The following ATP2B3 variants were observed in gnomAD, a reference collection of about 807,000 sequenced individuals.
The protein encoded by ATP2B3 is ATPase plasma membrane Ca2+ transporting 3, also known as plasma membrane calcium-transporting ATPase 3.
ATP2B3 carries 12 observed loss-of-function variants against 70.8 expected under a neutral mutation model. The observed-to-expected ratio is 0.17, with a 90% CI of 0.11 to 0.27. The LOEUF (loss-of-function observed/expected upper bound fraction) is 0.27, where lower values mean the gene tolerates loss of function less well. Among genes scored for constraint, ATP2B3 ranks in the 10% least tolerant of loss-of-function variants. The pLI, the probability that ATP2B3 is intolerant of heterozygous loss-of-function variation, is 1.00. For synonymous variants in ATP2B3, 460 were observed against 497.8 expected (o/e 0.92, Z 1.01); for missense variants, 858 against 1,118.5 (o/e 0.77, Z 3.32).
At position 153,517,664 on chromosome X, in the gene ATP2B3, G is replaced by C. The variant is rs1265381348; in HGVS notation, c.-458G>C. ...CTCAGAGCTGCGGTTGGAGCCGAGC[G>C]CGCCGCGTCGCCCGCCGCCGGTGCA... On this transcript the variant is annotated 5_prime_UTR_variant, in exon 1 of 22. Coordinates refer to ENST00000263519, the MANE Select transcript of ATP2B3 (RefSeq NM_001001344.3). 2 of 106,678 alleles carry C rather than the reference G, an allele frequency of 1.9e-5. No individual in the cohort carries two copies. The highest frequency in any genetic ancestry group is 6.8e-5 in the African/African-American group (2 of 29,427). 8.8% of individuals were successfully genotyped at this position (106,678 alleles called of 1,213,427 possible). A position where few individuals can be genotyped will look rare whatever the true frequency, so the allele number is the denominator to read the frequency against.
chrX:153,537,222 C>T (rs1019207927), intron 3 of ATP2B3, among the ~76,000 whole-genome samples: 1 of 113,445 alleles, frequency 8.8e-6, no homozygotes, highest in East Asian at 2.8e-4. Flanking sequence ...AAGCGGGGAC[C>T]CCCAGGAGCC....
rs190374039 is a variant in ATP2B3 at position 153,579,403 on chromosome X, C to T, written c.3343-575C>T. ...GCTGGGGGATGGAGGGAGACCCATG[C>T]GAGAAAGGCCGGCAGTGCCCATAGG... On this transcript the variant is annotated intron_variant, in intron 21 of 21. Transcript: ENST00000263519. 3.6e-3 allele frequency among the ~76,000 whole-genome samples: 407 copies of T among 112,824 alleles called. 3 individuals carry two copies. Among genetic ancestry groups the T allele is most frequent in the African/African-American group, 0.012 (383 of 31,105 alleles).
At chrX:153,577,606 C>A (rs1211611139) in intron 21 of ATP2B3, among the ~76,000 whole-genome samples, 1 of 112,064 alleles carries the variant, frequency 8.9e-6, no homozygotes, top group Admixed American at 9.4e-5. Flanking sequence ...TCAAATTATT[C>A]TCAATTTCTG....
Position 153,560,827 on chromosome X carries a change from C to T in ATP2B3, c.2991C>T (p.Phe997=), listed in dbSNP as rs782143371. ...ARKIHGERNV[F]DGIFSNPIFC... is the part of the protein sequence containing the mutation. ...AGATCCACGGCGAGAGGAACGTGTT[C>T]GACGGCATCTTCAGCAACCCCATCT... The change falls in exon 19 of 22, where the codon TTC becomes TTT. Residue 997 remains phenylalanine (F), a synonymous_variant. Coordinates refer to ENST00000263519, the MANE Select transcript of ATP2B3 (RefSeq NM_001001344.3). The T allele has an allele frequency of 3.6e-5, 44 of 1,210,397 alleles. No homozygotes were observed. In the East Asian group the frequency reaches 3.8e-4, roughly 11 times the overall value.
chrX:153,564,069 G>A (rs1392685598), intron 20 of ATP2B3, among the ~76,000 whole-genome samples: 5 of 112,090 alleles, frequency 4.5e-5, no homozygotes, highest in African/African-American at 1.6e-4. Flanking sequence ...ACTCCTGCCA[G>A]GCTCCTTATC....
Position 153,518,243 on chromosome X carries a change from G to A in ATP2B3, c.-246-189G>A, listed in dbSNP as rs782735631. 5.7e-4 allele frequency among the ~76,000 whole-genome samples: 64 copies of A among 112,841 alleles called. 1 individual carries two copies. The highest frequency in any genetic ancestry group is 2.0e-3 in the African/African-American group (63 of 31,233). On this transcript the variant is annotated intron_variant, in intron 1 of 21. Coordinates refer to ENST00000263519, the MANE Select transcript of ATP2B3 (RefSeq NM_001001344.3). The stretch of plus-strand genomic sequence containing the variant: ...GGGCCGGGAGCCCGCCAGTGCGCAC[G>A]CACCTTCCCGGAGCCTCGGGCACCC...
intron 21 of ATP2B3, among the ~76,000 whole-genome samples, chrX:153,578,770 G>A (rs1203822580): frequency 1.8e-5 from 2 of 112,217 alleles, no homozygotes; most frequent in Non-Finnish European, 3.8e-5. Flanking sequence ...AGCGGAGCCC[G>A]GGAGGCAGCA....
Position 153,541,952 on chromosome X carries a change from C to T in ATP2B3, c.664+26C>T, listed in dbSNP as rs367985599. 52 of 1,187,587 alleles carry T rather than the reference C, an allele frequency of 4.4e-5. No individual in the cohort carries two copies. The African/African-American group carries it at 7.1e-4, about 16-fold the overall frequency. The stretch of plus-strand genomic sequence containing the variant: ...GTGAGTGCCCTGGTCTTCACCCACC[C>T]TGTCAAGGAAGCTCGGCTCCTGCTT... On this transcript the variant is annotated intron_variant, in intron 5 of 21. Coordinates refer to ENST00000263519, the MANE Select transcript of ATP2B3 (RefSeq NM_001001344.3).
intron 7 of ATP2B3, among the ~76,000 whole-genome samples, chrX:153,545,586 G>A (rs1469135152): frequency 8.9e-6 from 1 of 112,604 alleles, no homozygotes; most frequent in African/African-American, 3.2e-5. Context: ...CAGGAGGATC[G>A]CTTAAACCTG....
intron 5 of ATP2B3, 22 bp downstream of exon 5, chrX:153,541,948 C>T: frequency 1.7e-6 from 2 of 1,192,717 alleles, no homozygotes; most frequent in Admixed American, 2.2e-5. Flanking sequence ...GGTCTTCACC[C>T]ACCCTGTCAA....
chrX:153,580,270 C>T lies in ATP2B3; in HGVS notation c.3635C>T (p.Pro1212Leu). 2 of 1,209,406 alleles carry T rather than the reference C, an allele frequency of 1.7e-6. No homozygotes were observed. Among genetic ancestry groups the T allele is most frequent in the Non-Finnish European group, 2.2e-6 (2 of 893,489 alleles). The change falls in exon 22 of 22, where the codon CCG (proline) becomes CTG (leucine). Residue 1212 changes from proline to leucine, a missense_variant. This residue lies in a region of ATP2B3 where 265 missense variants were observed against 305.3 expected (regional missense o/e 0.87). Transcript: ENST00000263519. ...SSVFSSSPGS[P>L]LHSVETSL ...GTGTTTTCCTCCAGTCCCGGGAGCC[C>T]GCTCCACAGCGTGGAGACGTCCCTC...
chrX:153,556,831 C>A, intron 15 of ATP2B3, 86 bp from the exon 16 acceptor site: 1 of 994,996 alleles, frequency 1.0e-6, no homozygotes, highest in Non-Finnish European at 1.4e-6. Flanking sequence ...CACAGCCAAC[C>A]TACCCCCATA....
chrX:153,549,185 G>C (rs1437130875), intron 10 of ATP2B3, among the ~76,000 whole-genome samples: 2 of 99,191 alleles, frequency 2.0e-5, no homozygotes, highest in Non-Finnish European at 2.0e-5. Context: ...GGGAGGAGGT[G>C]GGGGGAGCCA....
At chrX:153,548,271 G>C (rs782343884) in intron 9 of ATP2B3, among the ~76,000 whole-genome samples, 7 of 94,662 alleles carry the variant, frequency 7.4e-5, no homozygotes, top group African/African-American at 2.3e-4. Flanking sequence ...CAAGGCTCCA[G>C]GCTCTGCCCC....
intron 13 of ATP2B3, among the ~76,000 whole-genome samples, chrX:153,554,282 C>A (rs781809261): frequency 8.8e-6 from 1 of 113,129 alleles, no homozygotes; most frequent in African/African-American, 3.2e-5. Flanking sequence ...GCATGAGTCC[C>A]GGGCCCCACT....
intron 21 of ATP2B3, among the ~76,000 whole-genome samples, chrX:153,577,809 G>A (rs985932711): frequency 2.7e-5 from 3 of 111,155 alleles, no homozygotes; most frequent in Non-Finnish European, 5.7e-5. Flanking sequence ...ATAGGAACGG[G>A]GAGTATCACT....
chrX:153,580,551 G>A lies in ATP2B3; in HGVS notation c.*253G>A, dbSNP rs1297351738. 18 of 335,115 alleles carry A rather than the reference G, an allele frequency of 5.4e-5. No homozygotes were observed. Among genetic ancestry groups the A allele is most frequent in the Non-Finnish European group, 8.3e-5 (16 of 192,951 alleles). 27.6% of individuals were successfully genotyped at this position (335,115 alleles called of 1,213,427 possible). ...GGAGGAGGAAAAGGAGGAAGAGGAGGACAAAAAGGGGGAGGAGAAGGTTCT... is the reference window on the plus strand; with the variant it reads ...GGAGGAGGAAAAGGAGGAAGAGGAGAACAAAAAGGGGGAGGAGAAGGTTCT... On this transcript the variant is annotated 3_prime_UTR_variant, in exon 22 of 22. Coordinates refer to ENST00000263519, the MANE Select transcript of ATP2B3 (RefSeq NM_001001344.3).
Position 153,553,257 on chromosome X carries a change from T to C in ATP2B3, c.2046T>C (p.Pro682=), listed in dbSNP as rs1203576012. 2.5e-6 allele frequency: 3 copies of C among 1,200,992 alleles called. No individual in the cohort carries two copies. The highest frequency in any genetic ancestry group is 3.4e-6 in the Non-Finnish European group (3 of 888,537). ...TCIAVVGIED[P]VRPEVPEAIR... ...TAGCTGTCGTGGGCATTGAGGACCC[T>C]GTGCGGCCCGAGGTAGCCACCACCT... Residue 682 remains proline (P), a synonymous_variant, in exon 13 of 22, where the codon CCT becomes CCC. Transcript: ENST00000263519.
rs782203093 is a variant in ATP2B3 at position 153,580,986 on chromosome X, T to C, written c.*688T>C. 8.9e-6 allele frequency: 1 copy of C among 112,578 alleles called. No homozygotes were observed. Among genetic ancestry groups the C allele is most frequent in the South Asian group, 3.7e-4 (1 of 2,726 alleles). 9.3% of individuals were successfully genotyped at this position (112,578 alleles called of 1,213,427 possible). ...ACACGTATATATGGCCAGATGCGTATTTCAATAAGGAACTATTTACTGGCA... is the reference window on the plus strand; with the variant it reads ...ACACGTATATATGGCCAGATGCGTACTTCAATAAGGAACTATTTACTGGCA... On this transcript the variant is annotated 3_prime_UTR_variant, in exon 22 of 22. Transcript: ENST00000263519.
Sources: gnomAD v4.1 joint callset for allele counts (sites outside exome capture counted in the v4.1 genomes callset) on GRCh38, gnomAD v4.1.1 for gene constraint, gnomAD v4.1.1 regional missense constraint, MANE v1.5 for transcripts, NCBI Gene and HGNC (gene_info 2026-07-23, HGNC 2026-07-21) for gene names.